GRAMD4: variants seen among roughly 807,000 people sequenced by gnomAD.
GRAMD4 encodes GRAM domain containing 4, also known as GRAM domain-containing protein 4.
In GRAMD4, 25 loss-of-function variants were observed where a neutral mutation model predicts 83.9. The ratio of observed to expected loss-of-function variants is 0.30; its 90% confidence interval spans 0.22 to 0.42. The LOEUF is 0.42. Ranked by LOEUF, GRAMD4 falls within the 10% of genes least tolerant of loss-of-function variation. The pLI, the probability that GRAMD4 is intolerant of heterozygous loss-of-function variation, is 1.00. For synonymous variants in GRAMD4, 336 were observed against 320.9 expected (o/e 1.05, Z -0.50); for missense variants, 593 against 788.7 (o/e 0.75, Z 2.97).
rs375658129 is a variant in GRAMD4, at chr22:46,677,302, CTTTT to C, written c.*61_*64del. On this transcript the variant is annotated 3_prime_UTR_variant, in exon 19 of 19. Coordinates refer to ENST00000406902, the MANE Select transcript of GRAMD4 (RefSeq NM_015124.5). The stretch of plus-strand genomic sequence containing the variant: ...GAATTTTCTTTTTCTTTTTCTTTTT[CTTTT>C]TTTTTTTTTACGATTTGGTAGTGGA... 5.2e-6 allele frequency: 7 copies of C among 1,340,480 alleles called. No individual in the cohort carries two copies. The Admixed American group carries it at 1.0e-4, about 20-fold the overall frequency. The allele number at this position is 1,340,480 out of a possible 1,614,324, so 83.0% of individuals were successfully genotyped here. A position where few individuals can be genotyped will look rare whatever the true frequency, so the allele number is the denominator to read the frequency against.
At chr22:46,658,149 C>G (rs761799059) in intron 3 of GRAMD4, 38 bp from the exon 4 acceptor site, 2 of 1,612,730 alleles carry the variant, frequency 1.2e-6, no homozygotes, top group South Asian at 2.2e-5. Flanking sequence ...GTCGCGTGGA[C>G]ATGAGCGATG....
chr22:46,604,446 G>A (rs1406146113), intron 1 of GRAMD4, among the ~76,000 whole-genome samples: 1 of 151,994 alleles, frequency 6.6e-6, no homozygotes, highest in African/African-American at 2.4e-5. Context: ...GTCATTTACT[G>A]GCGTTAAAGC....
rs2081334532 is a variant in GRAMD4 at position 46,603,513 on chromosome 22, CTCTTT to C, written c.-49-23236_-49-23232del. On this transcript the variant is annotated intron_variant, in intron 1 of 1. Coordinates refer to the GRAMD4 transcript ENST00000431155. ...CATGAGCCACCGCGCCCGGCCTCTT[CTCTTT>C]TTTTTTTTTTTTTTTTGAGATGGAG... Among the ~76,000 whole-genome samples the C allele has an allele frequency of 2.1e-4, 22 of 105,996 alleles. 2 individuals are homozygous for C. Among genetic ancestry groups the C allele is most frequent in the South Asian group, 6.1e-4 (2 of 3,258 alleles). 69.5% of individuals were successfully genotyped at this position (105,996 alleles called of 152,430 possible). A position where few individuals can be genotyped will look rare whatever the true frequency, so the allele number is the denominator to read the frequency against.
upstream of GRAMD4, chr22:46,620,352 A>T (rs1353985968): frequency 5.1e-6 from 5 of 985,398 alleles, no homozygotes; most frequent in Non-Finnish European, 6.0e-6. This position sits in a 1 kb window ranked among gnomAD's most constrained non-coding sequence, Gnocchi z 4.7. Flanking sequence ...GAGAACCTGG[A>T]CAGCCGTGGT....
chr22:46,618,356 C>A (rs886410700), upstream of GRAMD4, among the ~76,000 whole-genome samples: 1 of 151,544 alleles, frequency 6.6e-6, no homozygotes, highest in South Asian at 2.1e-4. This position sits in a 1 kb window ranked among gnomAD's most constrained non-coding sequence, Gnocchi z 5.8. Context: ...AATCCAAGGA[C>A]CCCACGTCAA....
chr22:46,646,525 C>T (rs1384772383), intron 3 of GRAMD4, among the ~76,000 whole-genome samples: 1 of 152,190 alleles, frequency 6.6e-6, no homozygotes, highest in African/African-American at 2.4e-5. Flanking sequence ...TGAGGAAGAC[C>T]TTCCTTACCA....
chr22:46,605,180 G>A (rs1430471978), intron 1 of GRAMD4, among the ~76,000 whole-genome samples: 5 of 151,810 alleles, frequency 3.3e-5, no homozygotes, highest in African/African-American at 7.3e-5. Context: ...AATGTTCTCC[G>A]GGTTCACCCA....
At chr22:46,602,451 C>T (rs2081320653) in intron 1 of GRAMD4, among the ~76,000 whole-genome samples, 1 of 152,010 alleles carries the variant, frequency 6.6e-6, no homozygotes, top group African/African-American at 2.4e-5. Flanking sequence ...ACCATGTTGT[C>T]CAGGAGTTCG....
intron 1 of GRAMD4, among the ~76,000 whole-genome samples, chr22:46,612,650 C>T (rs1195896329): frequency 6.6e-6 from 1 of 152,228 alleles, no homozygotes; most frequent in Non-Finnish European, 1.5e-5. Flanking sequence ...GCTACCTCTA[C>T]CTAAAGACCT....
upstream of GRAMD4, among the ~76,000 whole-genome samples, chr22:46,618,128 C>T (rs947154642): frequency 1.3e-5 from 2 of 151,622 alleles, no homozygotes; most frequent in African/African-American, 2.4e-5. The surrounding 1 kb of genome is among the most constrained non-coding windows in gnomAD (Gnocchi z 5.8). Flanking sequence ...TGTGTCGCTC[C>T]CTCACTCTCT....
chr22:46,603,513 C>CTTTT lies in GRAMD4; in HGVS notation c.-49-23237_-49-23236insTTTT, dbSNP rs1569254347. 1.9e-3 allele frequency among the ~76,000 whole-genome samples: 204 copies of CTTTT among 105,996 alleles called. 28 individuals carry two copies. The highest frequency in any genetic ancestry group is 0.017 in the East Asian group (61 of 3,624). 69.5% of individuals were successfully genotyped at this position (105,996 alleles called of 152,430 possible). On this transcript the variant is annotated intron_variant, in intron 1 of 1. Transcript: ENST00000431155. ...CATGAGCCACCGCGCCCGGCCTCTT[C>CTTTT]TCTTTTTTTTTTTTTTTTTTTGAGA...
rs981651105 is a variant in GRAMD4, at chr22:46,678,162, C to A, written c.*911C>A. On this transcript the variant is annotated 3_prime_UTR_variant, in exon 19 of 19. Transcript: ENST00000406902. ...TGTGGCATGTCTGGCACATGGCCCC[C>A]AGGCTGCGGTTGCCTGGGTTGGTTG... is the stretch of plus-strand genomic sequence containing the variant. 14 of 985,514 alleles carry A rather than the reference C, an allele frequency of 1.4e-5. No individual in the cohort carries two copies. Among genetic ancestry groups the A allele is most frequent in the African/African-American group, 1.7e-5 (1 of 57,256 alleles). 61.0% of individuals were successfully genotyped at this position (985,514 alleles called of 1,614,324 possible).
At chr22:46,643,121 A>ATCCATCCATCCC (rs1569283760) in intron 3 of GRAMD4, among the ~76,000 whole-genome samples, 12 of 75,802 alleles carry the variant, frequency 1.6e-4, no homozygotes, top group South Asian at 5.0e-4. Flanking sequence ...CCATCCATCC[A>ATCCATCCATCCC]TGCATCCATC....
At position 46,663,034 on chromosome 22, in the gene GRAMD4, C is replaced by A. The variant is rs371343461; in HGVS notation, c.467-6C>A. Reference sequence around the variant, plus strand: ...CGTGCCCTCACCGGGTCCCTGCCCCCTGCAGAGCGCCGGAGCCAGGGGCTG... The same window carrying A: ...CGTGCCCTCACCGGGTCCCTGCCCCATGCAGAGCGCCGGAGCCAGGGGCTG... On this transcript the variant is annotated splice_polypyrimidine_tract_variant and splice_region_variant and intron_variant, in intron 5 of 18. Transcript: ENST00000406902. 4.4e-6 allele frequency: 7 copies of A among 1,604,040 alleles called. No individual in the cohort carries two copies. The South Asian group carries it at 4.4e-5, about 10-fold the overall frequency.
chr22:46,633,832 G>A (rs887998407), intron 2 of GRAMD4, among the ~76,000 whole-genome samples: 1 of 152,136 alleles, frequency 6.6e-6, no homozygotes, highest in Admixed American at 6.5e-5. Context: ...GGCCGTACAG[G>A]GGGTGTTTTC....
chr22:46,588,203 G>C (rs1883192), intron 1 of GRAMD4, among the ~76,000 whole-genome samples: 83,456 of 151,520 alleles, frequency 0.55, 24,501 homozygotes, highest in African/African-American at 0.76. Flanking sequence ...CATCTGCTTT[G>C]AGAACCTAGG....
chr22:46,675,828 G>A (rs1416308907), intron 17 of GRAMD4, among the ~76,000 whole-genome samples: 1 of 152,202 alleles, frequency 6.6e-6, no homozygotes, highest in African/African-American at 2.4e-5. Context: ...TCTGGCTGCT[G>A]TGTTCCCCTC....
rs917894648 is a variant in GRAMD4, at chr22:46,643,562, A to G, written c.283+5602A>G. ...TCTGAGATCTTATTCCAACTTCACT[A>G]TTGTCTAGTAATGTCCTTTGTAGCA... On this transcript the variant is annotated intron_variant, in intron 3 of 18. Transcript: ENST00000406902. 1.4e-4 allele frequency among the ~76,000 whole-genome samples: 22 copies of G among 152,194 alleles called. 1 individual carries two copies. The highest frequency in any genetic ancestry group is 1.2e-3 in the Admixed American group (18 of 15,282).
In GRAMD4 at chr22:46,678,523, C is replaced by T. The variant is rs544349930; in HGVS notation, c.*1272C>T. On this transcript the variant is annotated 3_prime_UTR_variant, in exon 19 of 19. Transcript: ENST00000406902. Reference sequence around the variant, plus strand: ...CTGGGCTGAAGGGAGGGAAAGGCGGCTTGGGCCTCCTGGAAGGAGGTGGCC... The same window carrying T: ...CTGGGCTGAAGGGAGGGAAAGGCGGTTTGGGCCTCCTGGAAGGAGGTGGCC... 17 of 985,442 alleles carry T rather than the reference C, an allele frequency of 1.7e-5. No individual in the cohort carries two copies. In the South Asian group the frequency reaches 8.0e-4, roughly 46 times the overall value. 61.0% of individuals were successfully genotyped at this position (985,442 alleles called of 1,614,324 possible).
Sources: gnomAD v4.1 joint callset for allele counts (sites outside exome capture counted in the v4.1 genomes callset) on GRCh38, gnomAD v4.1.1 for gene constraint, Gnocchi (gnomAD v3.1) non-coding constraint, MANE v1.5 for transcripts, NCBI Gene and HGNC (gene_info 2026-07-23, HGNC 2026-07-21) for gene names.